The following CYP19A1 variants were observed in gnomAD, a reference collection of about 807,000 sequenced individuals.
CYP19A1 encodes cytochrome P450 family 19 subfamily A member 1, also known as aromatase.
In CYP19A1, 32 loss-of-function variants were observed where a neutral mutation model predicts 44.4. The observed-to-expected ratio is 0.72, with a 90% CI of 0.54 to 0.97. CYP19A1 has a LOEUF of 0.97. Ranked by LOEUF, CYP19A1 falls within the 50% of genes least tolerant of loss-of-function variation. CYP19A1 has a pLI of 0.00. For missense variants in CYP19A1, 598 were observed against 637.8 expected, an observed-to-expected ratio of 0.94 and a Z score of 0.67; for synonymous variants, 212 against 215.6, an observed-to-expected ratio of 0.98 and a Z score of 0.14.
chr15:51,215,046 ATTAT>A lies in CYP19A1; in HGVS notation c.1021+20_1021+23del, dbSNP rs770807151. On this transcript the variant is annotated intron_variant, in intron 8 of 9. Coordinates refer to ENST00000396402, the MANE Select transcript of CYP19A1 (RefSeq NM_000103.4). ...TCAGAAGAAATTGTTTTTAAGATGT[ATTAT>A]TTATTTGATAAATTCTTACCAATAA... 6.2e-7 allele frequency: 1 copy of A among 1,600,224 alleles called. No homozygotes were observed. Among genetic ancestry groups the A allele is most frequent in the Non-Finnish European group, 8.5e-7 (1 of 1,172,294 alleles).
chr15:51,222,399 C>T lies in CYP19A1; in HGVS notation c.578G>A (p.Arg193His), dbSNP rs144422259. 34 of 1,614,038 alleles carry T rather than the reference C, an allele frequency of 2.1e-5. No homozygotes were observed. Among genetic ancestry groups the T allele is most frequent in the Admixed American group, 1.2e-4 (7 of 60,006 alleles). The part of the protein sequence containing the change: ...GYVDVLTLLR[R>H]VMLDTSNTLF... ...CGTGTTAGAGGTGTCCAGCATGACA[C>T]GACGCAGAAGGGTCAACACGTCCAC... Residue 193 changes from arginine to histidine, a missense_variant, in exon 5 of 10, where the codon CGT becomes CAT. Transcript: ENST00000396402.
intron 1 of CYP19A1, among the ~76,000 whole-genome samples, chr15:51,305,149 C>G (rs1004659047): frequency 2.6e-5 from 4 of 152,084 alleles, no homozygotes; most frequent in African/African-American, 9.7e-5. Context: ...ATCCGCCCAC[C>G]TTGGCCTCCC....
intron 1 of CYP19A1, among the ~76,000 whole-genome samples, chr15:51,287,063 A>T (rs1329537256): frequency 6.6e-6 from 1 of 152,220 alleles, no homozygotes; most frequent in East Asian, 1.9e-4. Flanking sequence ...AGCCGCCACC[A>T]GGTGTCCCAC....
chr15:51,233,823 C>G (rs1242207642), intron 3 of CYP19A1, among the ~76,000 whole-genome samples: 1 of 152,150 alleles, frequency 6.6e-6, no homozygotes, highest in Non-Finnish European at 1.5e-5. Flanking sequence ...TACGCAGCAC[C>G]TACAGACCTT....
In CYP19A1 at chr15:51,285,527, G is replaced by T. The variant is rs111875836; in HGVS notation, c.-38-42577C>A. Reference sequence around the variant, plus strand: ...GTGTTGGGAAAAAAGCTGAGGCAGGGTTTGCATGTCTGACATAATGTCCAG... The same window carrying T: ...GTGTTGGGAAAAAAGCTGAGGCAGGTTTTGCATGTCTGACATAATGTCCAG... On this transcript the variant is annotated intron_variant, in intron 1 of 9. Transcript: ENST00000396402. 6.7e-3 allele frequency among the ~76,000 whole-genome samples: 1,014 copies of T among 152,306 alleles called. 7 individuals are homozygous for T. Among genetic ancestry groups the T allele is most frequent in the African/African-American group, 0.023 (973 of 41,564 alleles).
chr15:51,251,056 C>T (rs1320653189), intron 1 of CYP19A1, among the ~76,000 whole-genome samples: 1 of 152,160 alleles, frequency 6.6e-6, no homozygotes, highest in East Asian at 1.9e-4. Flanking sequence ...GTCTCAGAGA[C>T]CTGTTCACTT....
chr15:51,245,477 T>C (rs2034011377), intron 1 of CYP19A1, among the ~76,000 whole-genome samples: 2 of 152,162 alleles, frequency 1.3e-5, no homozygotes, highest in Non-Finnish European at 1.5e-5. Context: ...ACTTCATGTC[T>C]AAAACACCAA....
At chr15:51,293,213 A>G (rs1456867025) in intron 1 of CYP19A1, among the ~76,000 whole-genome samples, 2 of 152,210 alleles carry the variant, frequency 1.3e-5, no homozygotes, top group East Asian at 3.9e-4. Context: ...ACCACTAAAG[A>G]ACTTGTTCAT....
At chr15:51,337,148 A>G (rs2036789697) in intron 1 of CYP19A1, among the ~76,000 whole-genome samples, 1 of 152,248 alleles carries the variant, frequency 6.6e-6, no homozygotes, top group African/African-American at 2.4e-5. Context: ...TAGCTAATGA[A>G]TCCATTAATC....
chr15:51,256,002 G>A (rs969512733), intron 1 of CYP19A1, among the ~76,000 whole-genome samples: 11 of 152,234 alleles, frequency 7.2e-5, no homozygotes, highest in African/African-American at 2.6e-4. Context: ...CAATTTTATG[G>A]GAGCCCTAGC....
chr15:51,237,064 TGTTTTG>T (rs1566886644), intron 2 of CYP19A1, 55 bp from the exon 3 acceptor site: 2 of 1,601,396 alleles, frequency 1.2e-6, no homozygotes, highest in Non-Finnish European at 1.7e-6. Context: ...AAATTGCAAC[TGTTTTG>T]TGTTACTCCT....
chr15:51,288,256 G>T (rs1356974586), intron 1 of CYP19A1, among the ~76,000 whole-genome samples: 21 of 152,064 alleles, frequency 1.4e-4, no homozygotes, highest in Admixed American at 1.4e-3. Context: ...TTACCTGTGT[G>T]CTCAATCCTG....
At chr15:51,308,073 A>G (rs1186597281) in intron 1 of CYP19A1, among the ~76,000 whole-genome samples, 2 of 152,230 alleles carry the variant, frequency 1.3e-5, no homozygotes, top group Admixed American at 1.3e-4. Flanking sequence ...AGGAGCCAGA[A>G]AGGGAAGGTA....
chr15:51,211,160 G>A, intron 9 of CYP19A1, 104 bp from the exon 10 acceptor site: 1 of 789,562 alleles, frequency 1.3e-6, no homozygotes, highest in Non-Finnish European at 2.2e-6. Context: ...CACTGTTTTG[G>A]GGTTATCAGC....
At chr15:51,302,020 T>C (rs185129335) in intron 1 of CYP19A1, among the ~76,000 whole-genome samples, 57 of 152,350 alleles carry the variant, frequency 3.7e-4, no homozygotes, top group Middle Eastern at 6.8e-3. Context: ...TAATAAAGTG[T>C]AGGCTTCTTA....
At position 51,227,874 on chromosome 15, in the gene CYP19A1, T is replaced by C. The variant is rs1328580070; in HGVS notation, c.356A>G (p.Lys119Arg). Residue 119 changes from lysine to arginine, a missense_variant, in exon 4 of 10, where the codon AAA (lysine) becomes AGA (arginine). Lys to Arg is a conservative substitution (Grantham distance 26). Transcript: ENST00000396402. ...CATACCGATGCACTGCAGCCCAAGT[T>C]TGCTGCCGAATCGAGAGCTGTAATG... is the stretch of plus-strand genomic sequence containing the variant. ...HNHYSSRFGS[K>R]LGLQCIGMHE... is the part of the protein sequence containing the mutation. 1.9e-6 allele frequency: 3 copies of C among 1,563,416 alleles called. No individual in the cohort carries two copies. The African/African-American group carries it at 4.1e-5, about 21-fold the overall frequency.
At chr15:51,226,530 A>T (rs1476017580) in intron 4 of CYP19A1, among the ~76,000 whole-genome samples, 1 of 152,218 alleles carries the variant, frequency 6.6e-6, no homozygotes, top group Non-Finnish European at 1.5e-5. Context: ...GGCTGGGCTC[A>T]ACACCCAGTG....
chr15:51,262,419 C>A (rs571822342), intron 1 of CYP19A1, among the ~76,000 whole-genome samples: 45 of 152,234 alleles, frequency 3.0e-4, no homozygotes, highest in African/African-American at 9.1e-4. Context: ...TAGGGTCTCC[C>A]CAGCTGAGGT....
At chr15:51,309,671 T>A (rs1022449563) in intron 1 of CYP19A1, among the ~76,000 whole-genome samples, 1 of 152,232 alleles carries the variant, frequency 6.6e-6, no homozygotes, top group Admixed American at 6.5e-5. Context: ...TAATATATAG[T>A]GCTTTACTGT....
Sources: allele counts gnomAD v4.1 joint callset (sites outside exome capture counted in the v4.1 genomes callset), GRCh38; gene constraint gnomAD v4.1.1; transcripts MANE v1.5; gene names NCBI Gene and HGNC (gene_info 2026-07-23, HGNC 2026-07-21).